Variants in TNC observed in about 807,000 individuals in gnomAD.
TNC encodes the protein tenascin.
In TNC, 109 loss-of-function variants were observed where a neutral mutation model predicts 202.4. The observed-to-expected ratio is 0.54, with a 90% confidence interval of 0.46 to 0.63. TNC has a LOEUF of 0.63. Ranked by LOEUF, TNC falls within the 30% of genes least tolerant of loss-of-function variation. TNC has a pLI of 0.00. For missense variants in TNC, 2,756 were observed against 2,833.3 expected (o/e 0.97, Z 0.62); for synonymous variants, 1,007 against 1,089.7 (o/e 0.92, Z 1.50).
chr9:115,081,907 T>A lies in TNC; in HGVS notation c.2269A>T (p.Ile757Phe), dbSNP rs1378276274. The A allele has an allele frequency of 1.3e-6, 2 of 1,592,430 alleles. No homozygotes were observed. The highest frequency in any genetic ancestry group is 1.2e-5 in the South Asian group (1 of 86,896). The change falls in exon 6 of 28, where the codon ATC (isoleucine) becomes TTC (phenylalanine). Residue 757 changes from isoleucine (I) to phenylalanine (F), a missense_variant. Physicochemically the swap from Ile to Phe is conservative, Grantham distance 21. This residue lies in a region of TNC where 2,559 missense variants were observed against 2,546.0 expected (regional missense o/e 1.01). Coordinates refer to ENST00000350763, the MANE Select transcript of TNC (RefSeq NM_002160.4). ...RNMNKEDEGE[I>F]TKSLRRPETS... The stretch of plus-strand genomic sequence containing the variant: ...TCTGGCCTCCTCAGGCTTTTGGTGA[T>A]CTCTCCCTCATCTTCTTTATTCTGA...
intron 10 of TNC, among the ~76,000 whole-genome samples, chr9:115,066,904 T>C (rs979799783): frequency 8.5e-5 from 13 of 152,240 alleles, no homozygotes; most frequent in African/African-American, 3.1e-4. Context: ...CTCTGGCCTA[T>C]AAAGTCTAAA....
rs1433742280 is a variant in TNC at position 115,035,256 on chromosome 9, G to A, written c.5735C>T (p.Ala1912Val). The change falls in exon 22 of 28, where the codon GCA becomes GTA. Residue 1912 changes from alanine (A) to valine (V), a missense_variant. Around this residue, in one of 2 missense-constraint regions of TNC, gnomAD observed 2,559 missense variants for 2,546.0 expected, o/e 1.01. Coordinates refer to ENST00000350763, the MANE Select transcript of TNC (RefSeq NM_002160.4). ...TALLTWRPPR[A>V]SVTGYLLVYE... ...GACCAGCAGGTAACCGGTGACTGAT[G>A]CCCGGGGGGGTCGCCAGGTAAGGAG... The A allele has an allele frequency of 1.2e-6, 2 of 1,613,504 alleles. No homozygotes were observed. Among genetic ancestry groups the A allele is most frequent in the East Asian group, 2.2e-5 (1 of 44,796 alleles).
Position 115,029,423 on chromosome 9 carries a change from A to AG in TNC, c.6105dup (p.Phe2036LeufsTer53), listed in dbSNP as rs1184039946. On this transcript the variant is annotated frameshift_variant, in exon 25 of 28. Coordinates refer to ENST00000350763, the MANE Select transcript of TNC (RefSeq NM_002160.4). LOFTEE classifies it high-confidence loss of function. ...GCATATGCCTTCCAGTTTTGGTAGA[A>AG]GTTCTCGCGTCCGTTTTTGCGTCTC... 2 of 1,614,006 alleles carry AG rather than the reference A, an allele frequency of 1.2e-6. No individual in the cohort carries two copies. Among genetic ancestry groups the AG allele is most frequent in the African/African-American group, 2.7e-5 (2 of 74,904 alleles).
intron 1 of TNC, among the ~76,000 whole-genome samples, chr9:115,091,542 T>C (rs941621679): frequency 1.3e-5 from 2 of 152,218 alleles, no homozygotes; most frequent in Admixed American, 1.3e-4. Flanking sequence ...AAAAGAATGA[T>C]GTAGAAGTTA....
chr9:115,075,791 A>G (rs1314903096), intron 9 of TNC, among the ~76,000 whole-genome samples: 1 of 152,164 alleles, frequency 6.6e-6, no homozygotes, highest in African/African-American at 2.4e-5. Flanking sequence ...CTCAACAACA[A>G]CAACAACAAC....
intron 27 of TNC, among the ~76,000 whole-genome samples, chr9:115,022,675 A>G (rs1341977157): frequency 6.6e-6 from 1 of 152,168 alleles, no homozygotes; most frequent in Non-Finnish European, 1.5e-5. Context: ...TATTGATGAA[A>G]TAACACAATA....
At position 115,057,178 on chromosome 9, in the gene TNC, T is replaced by G; in HGVS notation, c.4554A>C (p.Lys1518Asn). Reference protein sequence around the residue: ...LSGLAPSIRTKTISATATTEA... With the variant: ...LSGLAPSIRTNTISATATTEA... ...CTGTCGTGGCTGTGGCACTGATGGT[T>G]TTGGTCCGGATGCTGGGAGCAAGTC... The change falls in exon 15 of 28, where the codon AAA becomes AAC. Residue 1518 changes from lysine (K) to asparagine (N), a missense_variant. Lys to Asn is a moderately conservative substitution (Grantham distance 94). Transcript: ENST00000350763. 1.2e-6 allele frequency: 2 copies of G among 1,613,578 alleles called. No homozygotes were observed. Among genetic ancestry groups the G allele is most frequent in the Non-Finnish European group, 1.7e-6 (2 of 1,179,708 alleles).
intron 9 of TNC, among the ~76,000 whole-genome samples, chr9:115,075,671 G>C (rs920591205): frequency 6.6e-6 from 1 of 152,130 alleles, no homozygotes; most frequent in African/African-American, 2.4e-5. Flanking sequence ...TGTAGTCCCA[G>C]CTACTCGGGA....
At position 115,032,614 on chromosome 9, in the gene TNC, TG is replaced by T. The variant is rs74703461; in HGVS notation, c.5788-930del. ...AATCATCAGAGCCAGAAGTTGGGCC[TG>T]GCTATATTTAAGAAACTTCCCAAGT... On this transcript the variant is annotated intron_variant, in intron 22 of 27. Coordinates refer to ENST00000350763, the MANE Select transcript of TNC (RefSeq NM_002160.4). Among the ~76,000 whole-genome samples, 1,030 of 152,336 alleles carry T rather than the reference TG, an allele frequency of 6.8e-3. 26 individuals are homozygous for T. The East Asian group carries it at 0.071, about 11-fold the overall frequency.
chr9:115,078,368 A>G (rs1834043324), intron 6 of TNC, among the ~76,000 whole-genome samples, 156 bp from the exon 7 acceptor site: 1 of 151,964 alleles, frequency 6.6e-6, no homozygotes. Context: ...TTTTGGTTTG[A>G]TAAGCTATAA....
chr9:115,101,064 A>G (rs762362812), intron 1 of TNC, among the ~76,000 whole-genome samples: 3 of 152,094 alleles, frequency 2.0e-5, no homozygotes, highest in Non-Finnish European at 4.4e-5. Flanking sequence ...TTTTCTGTCT[A>G]TCTATCCATC....
rs796186640 is a variant in TNC, at chr9:115,095,576, G to GTA, written c.-136-4424_-136-4423dup. Among the ~76,000 whole-genome samples the GTA allele has an allele frequency of 1.7e-3, 3 of 1,794 alleles. 1 individual carries two copies. Among genetic ancestry groups the GTA allele is most frequent in the East Asian group, 0.011 (1 of 88 alleles). The allele number at this position is 1,794 out of a possible 152,430, so 1.2% of individuals were successfully genotyped here. Reference sequence around the variant, plus strand: ...TATATGTATATATATGTATATATATGTATATATATGTATATATATGTATAT... The same window carrying GTA: ...TATATGTATATATATGTATATATATGTATATATATATGTATATATATGTATAT... On this transcript the variant is annotated intron_variant, in intron 1 of 27. Transcript: ENST00000350763.
At chr9:115,070,082 A>G (rs1833351271) in intron 10 of TNC, among the ~76,000 whole-genome samples, 1 of 151,930 alleles carries the variant, frequency 6.6e-6, no homozygotes. Context: ...GCAGTGGATG[A>G]TGGAATCAGT....
chr9:115,074,549 G>A (rs549304808), intron 9 of TNC, among the ~76,000 whole-genome samples: 1 of 152,164 alleles, frequency 6.6e-6, no homozygotes. Context: ...TCTTATTCTT[G>A]TTACAGTAAC....
At chr9:115,073,966 C>T in intron 9 of TNC, 100 bp from the exon 10 acceptor site, 2 of 1,279,946 alleles carry the variant, frequency 1.6e-6, no homozygotes, top group Non-Finnish European at 2.1e-6. Context: ...CCTAGGTCTG[C>T]CACAGAGGAG....
intron 13 of TNC, among the ~76,000 whole-genome samples, chr9:115,061,084 A>C (rs1200093702): frequency 6.6e-6 from 1 of 152,196 alleles, no homozygotes; most frequent in Non-Finnish European, 1.5e-5. Context: ...GGTTAAATGC[A>C]GTCTCTCAGC....
intron 17 of TNC, among the ~76,000 whole-genome samples, chr9:115,042,909 G>A (rs1011830332): frequency 2.0e-5 from 3 of 152,112 alleles, no homozygotes; most frequent in Non-Finnish European, 2.9e-5. Context: ...TGGAAATAAC[G>A]TTCACACAAA....
chr9:115,076,594 A>G lies in TNC; in HGVS notation c.2675-19T>C. The G allele has an allele frequency of 6.2e-7, 1 of 1,613,094 alleles. No individual in the cohort carries two copies. The highest frequency in any genetic ancestry group is 8.5e-7 in the Non-Finnish European group (1 of 1,179,430). ...TCGAGGCCTGTTTGAGAGAAGGAACATTTGTATTGAACATATCAGTCACAA... is the reference window on the plus strand; with the variant it reads ...TCGAGGCCTGTTTGAGAGAAGGAACGTTTGTATTGAACATATCAGTCACAA... On this transcript the variant is annotated intron_variant, in intron 7 of 27. Coordinates refer to ENST00000350763, the MANE Select transcript of TNC (RefSeq NM_002160.4).
intron 24 of TNC, among the ~76,000 whole-genome samples, chr9:115,029,738 A>G (rs1829808835): frequency 6.6e-6 from 1 of 152,192 alleles, no homozygotes; most frequent in South Asian, 2.1e-4. Context: ...CAGGATATTG[A>G]TAATGGGGAG....
Sources: gnomAD v4.1 joint callset for allele counts (sites outside exome capture counted in the v4.1 genomes callset) on GRCh38, gnomAD v4.1.1 for gene constraint, gnomAD v4.1.1 regional missense constraint, MANE v1.5 for transcripts, NCBI Gene and HGNC (gene_info 2026-07-23, HGNC 2026-07-21) for gene names.